MACROD2: variants seen among roughly 807,000 people sequenced by gnomAD.
MACROD2 encodes the protein ADP-ribose glycohydrolase MACROD2.
A neutral mutation model predicts 70.4 loss-of-function variants in MACROD2; 36 were observed. The ratio of observed to expected loss-of-function variants is 0.51; its 90% CI spans 0.39 to 0.68. MACROD2 has a LOEUF of 0.68. Among genes scored for constraint, MACROD2 ranks in the 30% least tolerant of loss-of-function variants. The pLI is 0.00. For synonymous variants in MACROD2, 172 were observed against 178.8 expected, an observed-to-expected ratio of 0.96 and a Z score of 0.30; for missense variants, 496 against 538.4, an observed-to-expected ratio of 0.92 and a Z score of 0.78.
intron 8 of MACROD2, among the ~76,000 whole-genome samples, chr20:15,722,351 A>G (rs1027973711): frequency 4.6e-5 from 7 of 152,182 alleles, no homozygotes; most frequent in African/African-American, 1.7e-4. Context: ...ACTTAGAAAT[A>G]GCAGTTTCAC....
At chr20:15,118,873 A>G (rs557142650) in intron 5 of MACROD2, among the ~76,000 whole-genome samples, 3 of 152,306 alleles carry the variant, frequency 2.0e-5, no homozygotes, top group Non-Finnish European at 2.9e-5. Context: ...TTGGCATTGC[A>G]CTTATCAAAC....
At chr20:14,781,359 G>C (rs1453410121) in intron 5 of MACROD2, among the ~76,000 whole-genome samples, 9 of 151,334 alleles carry the variant, frequency 5.9e-5, no homozygotes, top group Admixed American at 5.9e-4. Flanking sequence ...AAAAATCCAG[G>C]ATTTCACTAC....
intron 6 of MACROD2, among the ~76,000 whole-genome samples, chr20:15,274,568 G>A (rs76566884): frequency 6.6e-6 from 1 of 152,202 alleles, no homozygotes; most frequent in African/African-American, 2.4e-5. Context: ...CTGGTAGGAA[G>A]GACTCAACTA....
chr20:15,279,644 A>G (rs773130021), intron 6 of MACROD2, among the ~76,000 whole-genome samples: 1 of 152,220 alleles, frequency 6.6e-6, no homozygotes, highest in Non-Finnish European at 1.5e-5. Context: ...GGATATATCC[A>G]TTTGAATTTA....
chr20:14,239,498 G>A (rs1013635505), intron 3 of MACROD2, among the ~76,000 whole-genome samples: 2 of 152,134 alleles, frequency 1.3e-5, no homozygotes, highest in Non-Finnish European at 2.9e-5. Context: ...TAACTGAAAC[G>A]GCATGATACT....
At chr20:15,381,499 C>CA (rs11397524) in intron 6 of MACROD2, among the ~76,000 whole-genome samples, 27,939 of 149,908 alleles carry the variant, frequency 0.19, 3,448 homozygotes, top group African/African-American at 0.36. Flanking sequence ...CCCATCTCTA[C>CA]AAAAAAAAAT....
intron 5 of MACROD2, among the ~76,000 whole-genome samples, chr20:14,941,457 C>T (rs538073895): frequency 2.0e-5 from 3 of 152,206 alleles, no homozygotes; most frequent in Admixed American, 1.3e-4. Context: ...TCCTTGATCT[C>T]ACTTTTCCCA....
chr20:14,617,372 C>T (rs1983543626), intron 4 of MACROD2, among the ~76,000 whole-genome samples: 1 of 152,078 alleles, frequency 6.6e-6, no homozygotes, highest in South Asian at 2.1e-4. Flanking sequence ...TACTTCATCA[C>T]TTGCCTGCCT....
At chr20:15,575,677 A>G (rs186338051) in intron 8 of MACROD2, among the ~76,000 whole-genome samples, 11 of 152,330 alleles carry the variant, frequency 7.2e-5, no homozygotes, top group African/African-American at 1.2e-4. Context: ...AATGATTTTA[A>G]TGATTTTTAA....
intron 4 of MACROD2, among the ~76,000 whole-genome samples, chr20:14,566,156 T>C (rs1979785225): frequency 1.3e-5 from 2 of 151,508 alleles, no homozygotes; most frequent in African/African-American, 4.8e-5. Context: ...ATACAAAGAG[T>C]TCCTACAAAA....
intron 5 of MACROD2, among the ~76,000 whole-genome samples, chr20:15,022,475 T>C (rs2075195659): frequency 6.6e-6 from 1 of 152,208 alleles, no homozygotes; most frequent in African/African-American, 2.4e-5. Context: ...GAATTTTACT[T>C]GAAAGGGACT....
chr20:15,807,614 G>T (rs2063780803), intron 8 of MACROD2, among the ~76,000 whole-genome samples: 1 of 152,096 alleles, frequency 6.6e-6, no homozygotes, highest in African/African-American at 2.4e-5. Context: ...AGAAAAGAAG[G>T]TAAATTAGCT....
chr20:15,670,118 C>T (rs1208460393), intron 8 of MACROD2, among the ~76,000 whole-genome samples: 1 of 152,162 alleles, frequency 6.6e-6, no homozygotes, highest in East Asian at 1.9e-4. Flanking sequence ...CTTTCTCTGG[C>T]TTGTAAATGT....
intron 5 of MACROD2, among the ~76,000 whole-genome samples, chr20:14,868,190 TTC>T (rs1168985049): frequency 1.2e-4 from 17 of 145,332 alleles, no homozygotes; most frequent in Middle Eastern, 3.5e-3. Flanking sequence ...TTTTCTTTCT[TTC>T]TTTTTTTTTT....
Position 14,423,467 on chromosome 20 carries a change from A to AG in MACROD2, c.272-70006dup, listed in dbSNP as rs529976537. On this transcript the variant is annotated intron_variant, in intron 3 of 17. Coordinates refer to ENST00000684519, the MANE Select transcript of MACROD2 (RefSeq NM_001351661.2). Reference sequence around the variant, plus strand: ...GTAATCCCAGCACTTTGGGAGGCCGAGGGGGGCGGATCACGAGGTCAGGAG... The same window carrying AG: ...GTAATCCCAGCACTTTGGGAGGCCGAGGGGGGGCGGATCACGAGGTCAGGAG... 3.7e-3 allele frequency among the ~76,000 whole-genome samples: 564 copies of AG among 151,330 alleles called. 1 individual carries two copies. Among genetic ancestry groups the AG allele is most frequent in the African/African-American group, 0.013 (519 of 41,284 alleles).
chr20:15,955,423 C>T (rs971988159), intron 12 of MACROD2, among the ~76,000 whole-genome samples: 3 of 152,104 alleles, frequency 2.0e-5, no homozygotes, highest in Non-Finnish European at 4.4e-5. Context: ...CTCTTTCATC[C>T]TCCAATTCCT....
intron 3 of MACROD2, among the ~76,000 whole-genome samples, chr20:14,373,816 C>G (rs948216315): frequency 6.6e-6 from 1 of 151,688 alleles, no homozygotes; most frequent in East Asian, 1.9e-4. Context: ...CGGTGTTACA[C>G]TAGCTCTACA....
intron 5 of MACROD2, among the ~76,000 whole-genome samples, chr20:14,754,814 G>A (rs2071919032): frequency 1.1e-5 from 1 of 90,710 alleles, no homozygotes; most frequent in African/African-American, 3.4e-5. Context: ...TTTTTTTGAG[G>A]AATACCAAGG....
At chr20:16,031,173 AC>A (rs1339386400) in intron 15 of MACROD2, among the ~76,000 whole-genome samples, 2 of 152,146 alleles carry the variant, frequency 1.3e-5, no homozygotes, top group South Asian at 2.1e-4. Flanking sequence ...TGGAAAAAAA[AC>A]AATCAAATAG....
Sources: allele counts gnomAD v4.1 joint callset (sites outside exome capture counted in the v4.1 genomes callset), GRCh38; gene constraint gnomAD v4.1.1; transcripts MANE v1.5; gene names NCBI Gene and HGNC (gene_info 2026-07-23, HGNC 2026-07-21).